Variants in CMYA5 observed in about 807,000 individuals in gnomAD.
CMYA5 encodes cardiomyopathy-associated protein 5.
In CMYA5, 246 loss-of-function variants were observed where a neutral mutation model predicts 318.9. The observed-to-expected ratio is 0.77, with a 90% confidence interval of 0.70 to 0.86. The LOEUF is 0.86. CMYA5 is among the 40% of genes least tolerant of loss of function. The probability of loss-of-function intolerance (pLI) is 0.00; values close to 1 mark genes in which losing one functional copy is unlikely to be tolerated. For synonymous variants in CMYA5, 1,641 were observed against 1,729.5 expected (o/e 0.95, Z 1.27); for missense variants, 4,589 against 4,678.2 (o/e 0.98, Z 0.56).
chr5:79,715,956 A>T (rs1827507671), intron 1 of CMYA5, among the ~76,000 whole-genome samples: 1 of 152,212 alleles, frequency 6.6e-6, no homozygotes, highest in South Asian at 2.1e-4. Flanking sequence ...AGATGTGCAC[A>T]TGCTGTGTGC....
In CMYA5 at chr5:79,732,497, T is replaced by G; in HGVS notation, c.3732T>G (p.Pro1244=). 6.2e-7 allele frequency: 1 copy of G among 1,613,156 alleles called. No homozygotes were observed. ...CTGAGATGAAATATTCAGTTTTGCC[T>G]GACATGGTAGATGAGCCAAAGAAGG... ...PESEMKYSVL[P]DMVDEPKKGV... Residue 1244 remains proline (P), a synonymous_variant, in exon 2 of 13, where the codon CCT becomes CCG. Coordinates refer to ENST00000446378, the MANE Select transcript of CMYA5 (RefSeq NM_153610.5).
In CMYA5 at chr5:79,739,319, T is replaced by C. The variant is rs991507409; in HGVS notation, c.10554T>C (p.Cys3518=). 8 of 1,589,782 alleles carry C rather than the reference T, an allele frequency of 5.0e-6. No individual in the cohort carries two copies. Among genetic ancestry groups the C allele is most frequent in the Non-Finnish European group, 5.1e-6 (6 of 1,168,210 alleles). Residue 3518 remains cysteine, a synonymous_variant, in exon 2 of 13, where the codon TGT becomes TGC. Coordinates refer to ENST00000446378, the MANE Select transcript of CMYA5 (RefSeq NM_153610.5). ...QIDTYCYTCK[C]PISATDKVFG... ...ACACATACTGTTACACCTGCAAATG[T>C]CCAATTTCTGCCACTGACAAGGTGT...
chr5:79,785,084 G>T (rs1449514446), intron 9 of CMYA5, among the ~76,000 whole-genome samples: 10 of 149,492 alleles, frequency 6.7e-5, no homozygotes, highest in Non-Finnish European at 1.5e-4. Context: ...TTTCCCTTCT[G>T]ATCTGAAATA....
chr5:79,755,790 A>G (rs1354599252), intron 6 of CMYA5, among the ~76,000 whole-genome samples: 1 of 124,882 alleles, frequency 8.0e-6, no homozygotes, highest in Admixed American at 8.1e-5. Flanking sequence ...AAGGTGTTTT[A>G]CCTTTAATGC....
intron 9 of CMYA5, among the ~76,000 whole-genome samples, chr5:79,770,237 G>T (rs259115): frequency 0.2 from 29,889 of 152,060 alleles, 3,035 homozygotes; most frequent in East Asian, 0.31. Flanking sequence ...AGCTTGCTGG[G>T]CTCCTTGGGG....
At chr5:79,725,596 C>T (rs946206008) in intron 1 of CMYA5, among the ~76,000 whole-genome samples, 4 of 152,124 alleles carry the variant, frequency 2.6e-5, no homozygotes, top group African/African-American at 4.8e-5. Context: ...GCACATGTTC[C>T]CCCTGGATCT....
Position 79,737,607 on chromosome 5 carries a change from T to G in CMYA5, c.8842T>G (p.Ser2948Ala). The change falls in exon 2 of 13, where the codon TCT becomes GCT. Residue 2948 changes from serine to alanine, a missense_variant. By Grantham distance (99) the Ser-to-Ala change is moderately conservative. Transcript: ENST00000446378. ...TCAGAAGACTGCCTTTAGTATCATT[T>G]CTGAAGGCTGTGAGATATTGAATAT... is the stretch of plus-strand genomic sequence containing the variant. ...EDQKTAFSII[S>A]EGCEILNIHA... The G allele has an allele frequency of 6.2e-7, 1 of 1,613,724 alleles. No homozygotes were observed. Among genetic ancestry groups the G allele is most frequent in the South Asian group, 1.1e-5 (1 of 91,066 alleles).
chr5:79,733,787 T>C lies in CMYA5; in HGVS notation c.5022T>C (p.Ala1674=), dbSNP rs530670750. 6 of 1,613,634 alleles carry C rather than the reference T, an allele frequency of 3.7e-6. No individual in the cohort carries two copies. The highest frequency in any genetic ancestry group is 4.2e-6 in the Non-Finnish European group (5 of 1,179,784). The change falls in exon 2 of 13, where the codon GCT becomes GCC. Residue 1674 remains alanine (A), a synonymous_variant. Coordinates refer to ENST00000446378, the MANE Select transcript of CMYA5 (RefSeq NM_153610.5). ...ATTCTGTTTTAGAAAAAGGCCCAGC[T>C]GAGCTTAGGAGCAGAGAAGGAAAAG... is the stretch of plus-strand genomic sequence containing the variant. ...TEDSVLEKGP[A]ELRSREGKEE... is the part of the protein sequence containing the mutation.
At chr5:79,771,552 C>G (rs932647696) in intron 9 of CMYA5, among the ~76,000 whole-genome samples, 1 of 152,112 alleles carries the variant, frequency 6.6e-6, no homozygotes, top group Non-Finnish European at 1.5e-5. Context: ...ATCTGGAAAC[C>G]CTGAGACCTA....
At chr5:79,754,507 C>G (rs1003225613) in intron 6 of CMYA5, among the ~76,000 whole-genome samples, 1 of 152,052 alleles carries the variant, frequency 6.6e-6, no homozygotes, top group African/African-American at 2.4e-5. Flanking sequence ...AAAACACAGC[C>G]GGTTGGGGTG....
At chr5:79,695,589 T>C (rs1055298578) in intron 1 of CMYA5, among the ~76,000 whole-genome samples, 3 of 152,216 alleles carry the variant, frequency 2.0e-5, no homozygotes, top group African/African-American at 4.8e-5. Context: ...TCTGTTAGCT[T>C]CATTGGAATC....
intron 1 of CMYA5, among the ~76,000 whole-genome samples, chr5:79,717,198 C>T (rs1827535960): frequency 1.3e-5 from 2 of 152,142 alleles, no homozygotes; most frequent in South Asian, 4.1e-4. Flanking sequence ...ATTGCTGTAA[C>T]ATGATTTAAT....
rs11323646 is a variant in CMYA5 at position 79,800,123 on chromosome 5, CT to C, written c.*508del. Reference sequence around the variant, plus strand: ...ATGAACTCTTTTGTAATAATGTATACTGTAGAACATGAGTCTCTCCTCCCTA... The same window carrying C: ...ATGAACTCTTTTGTAATAATGTATACGTAGAACATGAGTCTCTCCTCCCTA... On this transcript the variant is annotated 3_prime_UTR_variant, in exon 13 of 13. Coordinates refer to ENST00000446378, the MANE Select transcript of CMYA5 (RefSeq NM_153610.5). 0.22 allele frequency: 34,207 copies of C among 153,124 alleles called. 4,204 individuals are homozygous for C. The highest frequency in any genetic ancestry group is 0.45 in the East Asian group (2,315 of 5,172). The allele number at this position is 153,124 out of a possible 1,614,324, so 9.5% of individuals were successfully genotyped here. A position where few individuals can be genotyped will look rare whatever the true frequency, so the allele number is the denominator to read the frequency against.
chr5:79,724,735 C>T (rs182756436), intron 1 of CMYA5, among the ~76,000 whole-genome samples: 66 of 152,308 alleles, frequency 4.3e-4, no homozygotes, highest in Admixed American at 1.4e-3. Context: ...GACCATTTCT[C>T]TTCTGTTAAT....
In CMYA5 at chr5:79,735,103, T is replaced by C. The variant is rs76702556; in HGVS notation, c.6338T>C (p.Ile2113Thr). ...EESKMVQSKV[I>T]DDADEGKKPS... is the part of the protein sequence containing the mutation. ...TCAAAAATGGTTCAGTCAAAGGTTATTGATGATGCTGATGAGGGAAAGAAA... is the reference window on the plus strand; with the variant it reads ...TCAAAAATGGTTCAGTCAAAGGTTACTGATGATGCTGATGAGGGAAAGAAA... Residue 2113 changes from isoleucine to threonine, a missense_variant, in exon 2 of 13, where the codon ATT (isoleucine) becomes ACT (threonine). By Grantham distance (89) the Ile-to-Thr change is moderately conservative (BLOSUM62 -1). Coordinates refer to ENST00000446378, the MANE Select transcript of CMYA5 (RefSeq NM_153610.5). 3,840 of 1,613,814 alleles carry C rather than the reference T, an allele frequency of 2.4e-3. 88 individuals are homozygous for C. In the African/African-American group the frequency reaches 0.046, roughly 19 times the overall value.
chr5:79,752,538 C>CT, intron 5 of CMYA5, 138 bp from the exon 6 acceptor site: 1 of 529,996 alleles, frequency 1.9e-6, no homozygotes, highest in Admixed American at 3.2e-5. Flanking sequence ...GCTTTAAATC[C>CT]TTTTTTGGAT....
chr5:79,747,408 C>G (rs776673606), intron 5 of CMYA5, among the ~76,000 whole-genome samples: 2 of 152,184 alleles, frequency 1.3e-5, no homozygotes, highest in African/African-American at 4.8e-5. Flanking sequence ...GCATATAGAA[C>G]ATTTTGTAGA....
chr5:79,692,501 A>G (rs1303259182), intron 1 of CMYA5, among the ~76,000 whole-genome samples: 2 of 152,242 alleles, frequency 1.3e-5, no homozygotes, highest in Admixed American at 6.5e-5. Flanking sequence ...ATATTGGATC[A>G]GAGAACTATC....
At chr5:79,724,469 T>C (rs989249282) in intron 1 of CMYA5, among the ~76,000 whole-genome samples, 2 of 152,224 alleles carry the variant, frequency 1.3e-5, no homozygotes, top group Admixed American at 6.5e-5. Flanking sequence ...GGTATCAGTC[T>C]GTTTGCTTGA....
Sources: allele counts gnomAD v4.1 joint callset (sites outside exome capture counted in the v4.1 genomes callset), GRCh38; gene constraint gnomAD v4.1.1; transcripts MANE v1.5; gene names NCBI Gene and HGNC (gene_info 2026-07-23, HGNC 2026-07-21).